Variants in PPP4R3B observed in about 807,000 individuals in gnomAD.
PPP4R3B encodes the protein serine/threonine-protein phosphatase 4 regulatory subunit 3B.
In PPP4R3B, 52 loss-of-function variants were observed where a neutral mutation model predicts 95.4. The observed-to-expected ratio is 0.54, with a 90% CI of 0.44 to 0.69. The LOEUF (loss-of-function observed/expected upper bound fraction) is 0.69, where lower values mean the gene tolerates loss of function less well. PPP4R3B is among the 30% of genes least tolerant of loss of function. The probability of loss-of-function intolerance (pLI) is 0.00; values close to 1 mark genes in which losing one functional copy is unlikely to be tolerated. For missense variants in PPP4R3B, 1,003 were observed against 1,005.9 expected, an observed-to-expected ratio of 1.00 and a Z score of 0.04; for synonymous variants, 407 against 343.9, an observed-to-expected ratio of 1.18 and a Z score of -2.03.
chr2:55,591,847 G>A (rs977562385), intron 4 of PPP4R3B: 3 of 174,290 alleles, frequency 1.7e-5, no homozygotes, highest in East Asian at 1.9e-4. Context: ...ATTTATGAAG[G>A]AAGCAAATAA....
rs775130252 is a variant in PPP4R3B, at chr2:55,615,535, G to A, written c.143-29C>T. On this transcript the variant is annotated intron_variant, in intron 1 of 16. Coordinates refer to ENST00000616407, the MANE Select transcript of PPP4R3B (RefSeq NM_001122964.3). ...AAAGATAAAAAATAATACATCATAAGTCTCAAATGATAAAACCCTGAATAA... is the reference window on the plus strand; with the variant it reads ...AAAGATAAAAAATAATACATCATAAATCTCAAATGATAAAACCCTGAATAA... 3.8e-5 allele frequency: 55 copies of A among 1,460,224 alleles called. No homozygotes were observed. The South Asian group carries it at 6.3e-4, about 17-fold the overall frequency. The allele number at this position is 1,460,224 out of a possible 1,614,324, so 90.5% of individuals were successfully genotyped here. A position where few individuals can be genotyped will look rare whatever the true frequency, so the allele number is the denominator to read the frequency against.
chr2:55,585,272 T>A, intron 6 of PPP4R3B, 105 bp from the exon 7 acceptor site: 1 of 706,122 alleles, frequency 1.4e-6, no homozygotes, highest in Non-Finnish European at 2.3e-6. Context: ...CTTTTTGGAT[T>A]AAGATGTTTT....
chr2:55,550,185 G>C (rs1010755652), intron 16 of PPP4R3B, among the ~76,000 whole-genome samples, 179 bp from the exon 17 acceptor site: 1 of 152,172 alleles, frequency 6.6e-6, no homozygotes, highest in Non-Finnish European at 1.5e-5. Flanking sequence ...GTAATTGGTA[G>C]CACTTGCAGT....
intron 2 of PPP4R3B, among the ~76,000 whole-genome samples, chr2:55,606,212 T>C (rs1289144121): frequency 6.6e-6 from 1 of 152,020 alleles, no homozygotes; most frequent in African/African-American, 2.4e-5. Flanking sequence ...AATATATTAG[T>C]ATATTAATAC....
At chr2:55,569,613 A>G (rs1407154250) in intron 12 of PPP4R3B, among the ~76,000 whole-genome samples, 2 of 152,156 alleles carry the variant, frequency 1.3e-5, no homozygotes, top group Admixed American at 1.3e-4. Context: ...CCAGGCAGGG[A>G]GGAGCCCCCT....
Position 55,598,845 on chromosome 2 carries a change from G to C in PPP4R3B, c.492C>G (p.Leu164=). The C allele has an allele frequency of 1.9e-6, 3 of 1,614,168 alleles. No homozygotes were observed. The highest frequency in any genetic ancestry group is 2.5e-6 in the Non-Finnish European group (3 of 1,180,042). The stretch of plus-strand genomic sequence containing the variant: ...TAATATAGCCTTCATTTTCCAAGGC[G>C]AGAGCCAGCTTTTCCCTACGGATAG... ...SSPIRREKLA[L]ALENEGYIKK... Residue 164 remains leucine, a synonymous_variant, in exon 4 of 17, where the codon CTC becomes CTG. Coordinates refer to ENST00000616407, the MANE Select transcript of PPP4R3B (RefSeq NM_001122964.3).
chr2:55,591,530 C>A, intron 4 of PPP4R3B: 1 of 983,644 alleles, frequency 1.0e-6, no homozygotes, highest in Non-Finnish European at 1.2e-6. Flanking sequence ...TTATAAATTT[C>A]TATTTTCCTG....
At chr2:55,586,129 TGTG>T (rs1690107357) in intron 6 of PPP4R3B, among the ~76,000 whole-genome samples, 1 of 152,246 alleles carries the variant, frequency 6.6e-6, no homozygotes. Context: ...CTCAAGAAAA[TGTG>T]GTGAAAAAAG....
rs116250392 is a variant in PPP4R3B, at chr2:55,583,858, C to A, written c.1233+1193G>T. Among the ~76,000 whole-genome samples, 180 of 152,306 alleles carry A rather than the reference C, an allele frequency of 1.2e-3. 1 individual carries two copies. The highest frequency in any genetic ancestry group is 0.01 in the Middle Eastern group (3 of 294). On this transcript the variant is annotated intron_variant, in intron 7 of 16. Coordinates refer to ENST00000616407, the MANE Select transcript of PPP4R3B (RefSeq NM_001122964.3). ...AAAACACATAAAACAACTATAATTT[C>A]ATTCAGTGGTAACTGATGCAAGCAT...
Position 55,598,460 on chromosome 2 carries a change from A to C in PPP4R3B, c.877T>G (p.Ser293Ala). ...FEENFLSTLTSFIFFNKVEIV... is the reference protein window; with the variant it reads ...FEENFLSTLTAFIFFNKVEIV... Reference sequence around the variant, plus strand: ...TCAACTTTGTTGAAGAAAATAAAAGACGTAAGAGTAGAAAGAAAATTCTCT... The same window carrying C: ...TCAACTTTGTTGAAGAAAATAAAAGCCGTAAGAGTAGAAAGAAAATTCTCT... Residue 293 changes from serine to alanine, a missense_variant, in exon 4 of 17, where the codon TCT (serine) becomes GCT (alanine). Coordinates refer to ENST00000616407, the MANE Select transcript of PPP4R3B (RefSeq NM_001122964.3). The C allele has an allele frequency of 6.2e-7, 1 of 1,614,138 alleles. No homozygotes were observed. Among genetic ancestry groups the C allele is most frequent in the Non-Finnish European group, 8.5e-7 (1 of 1,180,018 alleles).
At chr2:55,602,373 G>A (rs1692739330) in intron 3 of PPP4R3B, among the ~76,000 whole-genome samples, 1 of 152,176 alleles carries the variant, frequency 6.6e-6, no homozygotes, top group Non-Finnish European at 1.5e-5. Context: ...CAAAGGAAAA[G>A]TTTGGCCCTT....
At chr2:55,611,224 C>G (rs915877929) in intron 2 of PPP4R3B, among the ~76,000 whole-genome samples, 5 of 152,034 alleles carry the variant, frequency 3.3e-5, no homozygotes, top group African/African-American at 1.2e-4. Context: ...CGCACAGGCA[C>G]AATCATAGCA....
At chr2:55,550,577 C>T (rs372965092) in intron 16 of PPP4R3B, among the ~76,000 whole-genome samples, 37 of 152,274 alleles carry the variant, frequency 2.4e-4, no homozygotes, top group African/African-American at 8.4e-4. Context: ...GTGGTCTTGG[C>T]CTTTGATGAG....
chr2:55,558,860 G>A lies in PPP4R3B; in HGVS notation c.2369C>T (p.Ser790Phe), dbSNP rs772227023. The change falls in exon 16 of 17, where the codon TCT (serine) becomes TTT (phenylalanine). Residue 790 changes from serine to phenylalanine, a missense_variant. By Grantham distance (155) the Ser-to-Phe change is radical. This residue lies in a region of PPP4R3B where 229 missense variants were observed against 194.7 expected (regional missense o/e 1.18). Transcript: ENST00000616407. ...ASAANGTNSK[S>F]VVAQIPPATS... ...TGCTGGTGGTATCTGAGCCACTACA[G>A]ATTTACTGTTTGTTCCATTAGCAGC... 1 of 1,614,080 alleles carries A rather than the reference G, an allele frequency of 6.2e-7. No homozygotes were observed. Among genetic ancestry groups the A allele is most frequent in the Admixed American group, 1.7e-5 (1 of 60,028 alleles).
intron 8 of PPP4R3B, 59 bp downstream of exon 8, chr2:55,581,508 T>C: frequency 1.3e-6 from 2 of 1,526,754 alleles, no homozygotes; most frequent in Admixed American, 2.1e-5. Flanking sequence ...AAAATCTTAT[T>C]ACAAAGCCAC....
chr2:55,607,457 C>T (rs1162972224), intron 2 of PPP4R3B, among the ~76,000 whole-genome samples: 3 of 152,144 alleles, frequency 2.0e-5, no homozygotes, highest in Non-Finnish European at 4.4e-5. Flanking sequence ...AAGTAGCTCA[C>T]AAAATGCAGG....
At chr2:55,564,226 A>G (rs1049735691) in intron 15 of PPP4R3B, 87 bp downstream of exon 15, 9 of 1,215,708 alleles carry the variant, frequency 7.4e-6, no homozygotes, top group Non-Finnish European at 8.7e-6. Flanking sequence ...TTGCTTTGTA[A>G]ACTATAAACA....
intron 12 of PPP4R3B, among the ~76,000 whole-genome samples, chr2:55,573,049 T>C (rs1310741475): frequency 1.3e-5 from 2 of 152,246 alleles, no homozygotes; most frequent in African/African-American, 2.4e-5. Flanking sequence ...AAAAAAGAAA[T>C]AATGCAGACA....
rs77631398 is a variant in PPP4R3B, at chr2:55,564,143, G to A, written c.2260+170C>T. On this transcript the variant is annotated intron_variant, in intron 15 of 16. Transcript: ENST00000616407. The stretch of plus-strand genomic sequence containing the variant: ...AAGAGAAACATTTTAAACATGAAAA[G>A]AATTCCCAGACAGATTTGGAAAAAG... 5.4e-3 allele frequency among the ~76,000 whole-genome samples: 822 copies of A among 152,280 alleles called. 2 individuals are homozygous for A. Among genetic ancestry groups the A allele is most frequent in the Non-Finnish European group, 9.6e-3 (654 of 67,988 alleles).
Sources: allele counts gnomAD v4.1 joint callset (sites outside exome capture counted in the v4.1 genomes callset), GRCh38; gene constraint gnomAD v4.1.1; regional missense constraint gnomAD v4.1.1; transcripts MANE v1.5; gene names NCBI Gene and HGNC (gene_info 2026-07-23, HGNC 2026-07-21).